The following MBP variants were observed in gnomAD, a reference collection of about 807,000 sequenced individuals.
MBP encodes Golli-MBP.
MBP carries 16 observed loss-of-function variants against 35.8 expected under a neutral mutation model. That is an observed-to-expected ratio of 0.45 (90% CI 0.30 to 0.68). The LOEUF (loss-of-function observed/expected upper bound fraction) is 0.68. MBP is among the 30% of genes least tolerant of loss of function. The probability of loss-of-function intolerance (pLI) is 0.08; values close to 1 mark genes in which losing one functional copy is unlikely to be tolerated. For synonymous variants in MBP, 143 were observed against 159.6 expected, an observed-to-expected ratio of 0.90 and a Z score of 0.78; for missense variants, 380 against 404.7, an observed-to-expected ratio of 0.94 and a Z score of 0.52.
chr18:77,021,122 T>G (rs1303737501), intron 3 of MBP, among the ~76,000 whole-genome samples: 1 of 152,160 alleles, frequency 6.6e-6, no homozygotes, highest in African/African-American at 2.4e-5. Context: ...TATCAGCAGC[T>G]CTGAAGATGA....
chr18:77,003,690 G>A (rs865799089), intron 4 of MBP: 7 of 152,252 alleles, frequency 4.6e-5, no homozygotes, highest in East Asian at 1.9e-4. Context: ...ATTAGGAATC[G>A]TAAAATGTAG....
intron 4 of MBP, among the ~76,000 whole-genome samples, chr18:76,997,014 G>T (rs1970307685): frequency 6.6e-6 from 1 of 152,132 alleles, no homozygotes; most frequent in Admixed American, 6.5e-5. Flanking sequence ...CCGCCTCGGG[G>T]CTCCTACTGC....
At chr18:76,994,632 A>G (rs1422073249) in intron 4 of MBP, among the ~76,000 whole-genome samples, 3 of 152,232 alleles carry the variant, frequency 2.0e-5, no homozygotes, top group Non-Finnish European at 2.9e-5. Flanking sequence ...GGTGAGGAAA[A>G]GGTAGTTTAA....
chr18:77,111,867 T>C (rs1421980447), intron 1 of MBP, among the ~76,000 whole-genome samples: 1 of 152,104 alleles, frequency 6.6e-6, no homozygotes, highest in African/African-American at 2.4e-5. Flanking sequence ...GGAGAACAAA[T>C]TTCAAAGAAC....
At chr18:77,120,590 A>G (rs966781140) in intron 1 of MBP, among the ~76,000 whole-genome samples, 21 of 152,220 alleles carry the variant, frequency 1.4e-4, no homozygotes, top group African/African-American at 5.1e-4. Flanking sequence ...GGGCCTCCAG[A>G]CTATTTTACA....
chr18:77,072,860 C>T (rs537944966), intron 2 of MBP, among the ~76,000 whole-genome samples: 10 of 152,212 alleles, frequency 6.6e-5, no homozygotes, highest in African/African-American at 2.4e-4. Context: ...ATTATGAGGA[C>T]TGCAAATGGC....
chr18:77,068,016 CGT>C lies in MBP; in HGVS notation c.52-1633_52-1632del, dbSNP rs56090018. Among the ~76,000 whole-genome samples, 719 of 149,540 alleles carry C rather than the reference CGT, an allele frequency of 4.8e-3. 6 individuals carry two copies. Among genetic ancestry groups the C allele is most frequent in the African/African-American group, 0.016 (660 of 40,674 alleles). On this transcript the variant is annotated intron_variant, in intron 2 of 8. Transcript: ENST00000355994. ...AGCCCTATCTGGAAACCCTCCATCC[CGT>C]GTGTGTGTGTGTGTGTGTGTTTGTG...
Position 77,044,430 on chromosome 18 carries a change from G to A in MBP, c.139+21868C>T, listed in dbSNP as rs1019897544. Among the ~76,000 whole-genome samples, 3 of 152,026 alleles carry A rather than the reference G, an allele frequency of 2.0e-5. No individual in the cohort carries two copies. Among genetic ancestry groups the A allele is most frequent in the African/African-American group, 7.2e-5 (3 of 41,380 alleles). On this transcript the variant is annotated intron_variant, in intron 3 of 8. Transcript: ENST00000355994. This position sits in a 1 kb window ranked among gnomAD's most constrained non-coding sequence, Gnocchi z 4.4. ...TCCATAGATCAGGCTTCAGTGTCTG[G>A]GGACCTGGGGACTGCTGTCCTCCTT...
At chr18:77,125,006 G>A (rs1228313827) in intron 1 of MBP, among the ~76,000 whole-genome samples, 1 of 152,126 alleles carries the variant, frequency 6.6e-6, no homozygotes, top group Non-Finnish European at 1.5e-5. Context: ...ACTCCTCTGA[G>A]GTCCCGGCTC....
rs765907364 is a variant in MBP, at chr18:77,017,143, G to C, written c.265C>G (p.Pro89Ala). The C allele has an allele frequency of 6.4e-7, 1 of 1,569,274 alleles. No homozygotes were observed. The highest frequency in any genetic ancestry group is 2.3e-5 in the East Asian group (1 of 44,386). The change falls in exon 4 of 9, where the codon CCC becomes GCC. Residue 89 changes from proline (P) to alanine (A), a missense_variant. By Grantham distance (27) the Pro-to-Ala change is conservative. Transcript: ENST00000355994. Reference sequence around the variant, plus strand: ...CGGGAAAAGAGGCGGATCAAGTGGGGGCGGCTCCCTGGGTCAGCTGGGTGG... The same window carrying C: ...CGGGAAAAGAGGCGGATCAAGTGGGCGCGGCTCCCTGGGTCAGCTGGGTGG... ...DAHPADPGSR[P>A]HLIRLFSRDA...
chr18:77,022,773 C>T (rs1972044133), intron 3 of MBP, among the ~76,000 whole-genome samples: 1 of 152,218 alleles, frequency 6.6e-6, no homozygotes, highest in Non-Finnish European at 1.5e-5. Flanking sequence ...TTGTGAGGCA[C>T]AGAGAAGGGC....
At chr18:77,021,621 T>A (rs1971991278) in intron 3 of MBP, among the ~76,000 whole-genome samples, 2 of 152,102 alleles carry the variant, frequency 1.3e-5, no homozygotes, top group South Asian at 4.2e-4. Flanking sequence ...GTAGCTGGGA[T>A]TACAGGCGCC....
intron 4 of MBP, among the ~76,000 whole-genome samples, chr18:77,008,877 G>T (rs1971155419): frequency 6.6e-6 from 1 of 152,204 alleles, no homozygotes; most frequent in Admixed American, 6.5e-5. Flanking sequence ...CAGGCGTCCT[G>T]TCCCCCGTGC....
At chr18:77,067,675 G>A in intron 2 of MBP, 1 of 388,078 alleles carries the variant, frequency 2.6e-6, no homozygotes, top group Non-Finnish European at 5.2e-6. Flanking sequence ...GCAGCACCGG[G>A]AGGCTGCTTC....
At chr18:77,041,477 A>T (rs1357416937) in intron 3 of MBP, among the ~76,000 whole-genome samples, 2 of 152,166 alleles carry the variant, frequency 1.3e-5, no homozygotes, top group African/African-American at 4.8e-5. Context: ...ACACATGCAC[A>T]CCTATGTTTA....
At chr18:77,080,975 C>A (rs1329247314) in intron 2 of MBP, among the ~76,000 whole-genome samples, 4 of 152,140 alleles carry the variant, frequency 2.6e-5, no homozygotes, top group African/African-American at 9.7e-5. Context: ...GAGTCACTGC[C>A]CCCAGCCAAG....
At chr18:77,034,098 T>G (rs1442840221) in intron 3 of MBP, among the ~76,000 whole-genome samples, 1 of 120,850 alleles carries the variant, frequency 8.3e-6, no homozygotes, top group Non-Finnish European at 1.8e-5. Context: ...CCCTCAGACC[T>G]AATCACAGGA....
intron 2 of MBP, among the ~76,000 whole-genome samples, chr18:77,099,338 C>T (rs368194773): frequency 1.3e-5 from 2 of 152,150 alleles, no homozygotes; most frequent in African/African-American, 4.8e-5. Context: ...GCACCTGAGA[C>T]GTAGCCAGGC....
chr18:76,995,526 C>A (rs749410877), intron 4 of MBP, among the ~76,000 whole-genome samples: 1 of 152,050 alleles, frequency 6.6e-6, no homozygotes, highest in African/African-American at 2.4e-5. Context: ...CAGAGATAGA[C>A]TCACCCAAAT....
Sources: allele counts gnomAD v4.1 joint callset (sites outside exome capture counted in the v4.1 genomes callset), GRCh38; gene constraint gnomAD v4.1.1; non-coding constraint Gnocchi (gnomAD v3.1); transcripts MANE v1.5; gene names NCBI Gene and HGNC (gene_info 2026-07-23, HGNC 2026-07-21).